HSF5: variants seen among roughly 807,000 people sequenced by gnomAD.
HSF5 encodes the protein heat shock factor protein 5.
A neutral mutation model predicts 50.8 loss-of-function variants in HSF5; 5 were observed. That is an observed-to-expected ratio of 0.10 (90% confidence interval 0.05 to 0.21). The LOEUF is 0.21. HSF5 is among the 10% of genes least tolerant of loss of function. The pLI, the probability that HSF5 is intolerant of heterozygous loss-of-function variation, is 1.00. For missense variants in HSF5, 564 were observed against 762.6 expected (o/e 0.74, Z 3.07); for synonymous variants, 307 against 307.4 (o/e 1.00, Z 0.02).
chr17:58,477,366 C>T (rs1975030485), intron 2 of HSF5, among the ~76,000 whole-genome samples: 1 of 151,718 alleles, frequency 6.6e-6, no homozygotes, highest in Non-Finnish European at 1.5e-5. Flanking sequence ...ATGAATCGCC[C>T]GCCTCATCCT....
At chr17:58,486,905 T>C (rs938356773) in intron 1 of HSF5, among the ~76,000 whole-genome samples, 13 of 137,036 alleles carry the variant, frequency 9.5e-5, no homozygotes, top group East Asian at 8.6e-4. Context: ...GTTCTCTCTT[T>C]TTTTTTTTTT....
At chr17:58,427,586 A>C (rs1183032526) in intron 5 of HSF5, among the ~76,000 whole-genome samples, 1 of 152,226 alleles carries the variant, frequency 6.6e-6, no homozygotes, top group Non-Finnish European at 1.5e-5. Context: ...TTGATGAGAG[A>C]TACTCTTAAT....
chr17:58,451,913 AGGT>A, intron 5 of HSF5, among the ~76,000 whole-genome samples: 1 of 150,076 alleles, frequency 6.7e-6, no homozygotes. Flanking sequence ...TTTTTTGAAA[AGGT>A]AAGCAAACTA....
intron 1 of HSF5, among the ~76,000 whole-genome samples, chr17:58,487,261 G>T (rs1975197866): frequency 6.6e-6 from 1 of 152,186 alleles, no homozygotes; most frequent in African/African-American, 2.4e-5. Context: ...TTAACCCGTA[G>T]GGTGACTCCA....
At chr17:58,429,599 A>G (rs1204299668) in intron 5 of HSF5, among the ~76,000 whole-genome samples, 1 of 152,162 alleles carries the variant, frequency 6.6e-6, no homozygotes, top group Non-Finnish European at 1.5e-5. Context: ...TAATCCCAAC[A>G]CTTTGGGGAG....
chr17:58,435,018 A>G (rs1974408233), intron 5 of HSF5, among the ~76,000 whole-genome samples: 3 of 152,174 alleles, frequency 2.0e-5, no homozygotes. Flanking sequence ...GTAGGGTTAC[A>G]ATTGGAAGTA....
At chr17:58,426,208 C>T (rs1023344781) in intron 5 of HSF5, among the ~76,000 whole-genome samples, 1 of 152,152 alleles carries the variant, frequency 6.6e-6, no homozygotes, top group African/African-American at 2.4e-5. Flanking sequence ...ACAGTAGTAA[C>T]AAACCCACTG....
chr17:58,451,697 G>A (rs779391984), intron 5 of HSF5, among the ~76,000 whole-genome samples: 28 of 152,154 alleles, frequency 1.8e-4, no homozygotes, highest in Non-Finnish European at 3.1e-4. Context: ...GCTGTCCTAC[G>A]AGGGAAGTTT....
chr17:58,473,512 C>A (rs1412493072), intron 2 of HSF5, among the ~76,000 whole-genome samples: 1 of 152,010 alleles, frequency 6.6e-6, no homozygotes, highest in East Asian at 1.9e-4. Flanking sequence ...AATTAAATTA[C>A]AGTTGCAGAC....
In HSF5 at chr17:58,420,806, T is replaced by C. The variant is rs1015376840; in HGVS notation, c.*1554A>G. 2.0e-5 allele frequency: 3 copies of C among 152,222 alleles called. No homozygotes were observed. The highest frequency in any genetic ancestry group is 2.9e-5 in the Non-Finnish European group (2 of 68,020). The allele number at this position is 152,222 out of a possible 1,614,324, so 9.4% of individuals were successfully genotyped here. A position where few individuals can be genotyped will look rare whatever the true frequency, so the allele number is the denominator to read the frequency against. ...ACCACACAGGTCGCTTTTCAGAACC[T>C]ACTTTAATATCTAAACAGAGTCACT... On this transcript the variant is annotated 3_prime_UTR_variant, in exon 6 of 6. Transcript: ENST00000323777.
chr17:58,439,406 TATATCCATATAAAAGAACAGC>T (rs1974470403), intron 5 of HSF5, among the ~76,000 whole-genome samples: 1 of 151,294 alleles, frequency 6.6e-6, no homozygotes, highest in South Asian at 2.1e-4. Flanking sequence ...AAGAAGATAT[TATATCCATATAAAAGAACAGC>T]AAGTTCCCCC....
intron 5 of HSF5, among the ~76,000 whole-genome samples, chr17:58,458,084 CT>C (rs1256972863): frequency 6.6e-6 from 1 of 152,252 alleles, no homozygotes; most frequent in East Asian, 1.9e-4. Context: ...CTGCATGCCC[CT>C]GACATGAACA....
chr17:58,427,140 G>T (rs924739336), intron 5 of HSF5, among the ~76,000 whole-genome samples: 5 of 152,032 alleles, frequency 3.3e-5, no homozygotes, highest in African/African-American at 1.2e-4. Context: ...GGTGGCATGT[G>T]GCTATAGTCC....
chr17:58,438,157 A>G (rs1283176755), intron 5 of HSF5, among the ~76,000 whole-genome samples: 1 of 152,196 alleles, frequency 6.6e-6, no homozygotes, highest in Non-Finnish European at 1.5e-5. Flanking sequence ...CATATAGATG[A>G]TGATGATTCT....
intron 1 of HSF5, among the ~76,000 whole-genome samples, chr17:58,481,403 T>C (rs926163556): frequency 1.3e-5 from 2 of 152,168 alleles, no homozygotes; most frequent in Non-Finnish European, 2.9e-5. Context: ...TAGTATGTAA[T>C]GAGGGAAGGG....
intron 4 of HSF5, among the ~76,000 whole-genome samples, chr17:58,462,530 G>A (rs1396158950): frequency 6.6e-6 from 1 of 152,136 alleles, no homozygotes. Context: ...ATACTACAAC[G>A]CTCAATTAGA....
At chr17:58,435,833 A>G (rs1342262065) in intron 5 of HSF5, among the ~76,000 whole-genome samples, 4 of 142,480 alleles carry the variant, frequency 2.8e-5, no homozygotes, top group African/African-American at 1.1e-4. Context: ...TGGGAGGTGG[A>G]GCTTGTAGTG....
intron 1 of HSF5, 102 bp downstream of exon 1, chr17:58,487,623 G>A: frequency 7.7e-7 from 1 of 1,302,328 alleles, no homozygotes; most frequent in Non-Finnish European, 9.7e-7. Flanking sequence ...CCTTTCCGAC[G>A]CCCATAGCGT....
intron 1 of HSF5, among the ~76,000 whole-genome samples, chr17:58,483,837 C>T (rs1975131746): frequency 6.6e-6 from 1 of 152,026 alleles, no homozygotes; most frequent in African/African-American, 2.4e-5. Flanking sequence ...AGAACTAGGT[C>T]CTAAAACAGA....
Sources: gnomAD v4.1 joint callset for allele counts (sites outside exome capture counted in the v4.1 genomes callset) on GRCh38, gnomAD v4.1.1 for gene constraint, MANE v1.5 for transcripts, NCBI Gene and HGNC (gene_info 2026-07-23, HGNC 2026-07-21) for gene names.